The following VAV3 variants were observed in gnomAD, a reference collection of about 807,000 sequenced individuals.
The protein encoded by VAV3 is guanine nucleotide exchange factor VAV3.
In VAV3, 94 loss-of-function variants were observed where a neutral mutation model predicts 131.2. That is an observed-to-expected ratio of 0.72 (90% confidence interval 0.61 to 0.85). VAV3 has a LOEUF of 0.85. VAV3 is among the 40% of genes least tolerant of loss of function. The pLI, the probability that VAV3 is intolerant of heterozygous loss-of-function variation, is 0.00. For synonymous variants in VAV3, 349 were observed against 342.0 expected, an observed-to-expected ratio of 1.02 and a Z score of -0.22; for missense variants, 939 against 1,002.7, an observed-to-expected ratio of 0.94 and a Z score of 0.86.
chr1:107,606,116 T>C (rs1302388096), intron 22 of VAV3, among the ~76,000 whole-genome samples: 2 of 152,204 alleles, frequency 1.3e-5, no homozygotes, highest in African/African-American at 4.8e-5. Flanking sequence ...CAGCTTTTTC[T>C]AAACATACAC....
Position 107,742,296 on chromosome 1 carries a change from A to T in VAV3, c.1502+6672T>A, listed in dbSNP as rs569364430. On this transcript the variant is annotated intron_variant, in intron 15 of 26. Transcript: ENST00000370056. The stretch of plus-strand genomic sequence containing the variant: ...TTACAGAGTAAAATTTCAAATTTAC[A>T]ACAAAAATATGATACTGTGCTATGA... 1.4e-4 allele frequency among the ~76,000 whole-genome samples: 21 copies of T among 152,254 alleles called. No individual in the cohort carries two copies. The South Asian group carries it at 3.9e-3, about 29-fold the overall frequency.
At chr1:107,756,942 G>T (rs912314702) in intron 11 of VAV3, among the ~76,000 whole-genome samples, 1 of 151,764 alleles carries the variant, frequency 6.6e-6, no homozygotes, top group Non-Finnish European at 1.5e-5. Context: ...CCATGGTTAT[G>T]AAAGTTTTTA....
chr1:107,772,945 A>G (rs1174580515), intron 4 of VAV3, 102 bp from the exon 5 acceptor site: 1 of 996,518 alleles, frequency 1.0e-6, no homozygotes, highest in Non-Finnish European at 1.5e-6. Context: ...GAAAGGAAAT[A>G]AAATGGAATT....
chr1:107,617,938 T>G (rs1653287314), intron 20 of VAV3, among the ~76,000 whole-genome samples: 1 of 151,994 alleles, frequency 6.6e-6, no homozygotes, highest in African/African-American at 2.4e-5. Context: ...GACACCAACG[T>G]TTTTGGCCCC....
At chr1:107,947,499 A>C (rs1177479986) in intron 1 of VAV3, among the ~76,000 whole-genome samples, 1 of 152,188 alleles carries the variant, frequency 6.6e-6, no homozygotes, top group African/African-American at 2.4e-5. Context: ...ACTGTCCACT[A>C]CATCTCTGGT....
chr1:107,897,754 G>A (rs1671665287), intron 1 of VAV3, among the ~76,000 whole-genome samples: 1 of 152,098 alleles, frequency 6.6e-6, no homozygotes, highest in East Asian at 1.9e-4. Context: ...GGCATTCTGA[G>A]ATTATACTCT....
intron 1 of VAV3, among the ~76,000 whole-genome samples, chr1:107,905,040 T>G (rs1464328040): frequency 6.6e-6 from 1 of 152,184 alleles, no homozygotes; most frequent in African/African-American, 2.4e-5. Context: ...GAAGAAATCT[T>G]CCTCGGATAA....
At chr1:107,583,099 C>G (rs1398934106) in intron 25 of VAV3, among the ~76,000 whole-genome samples, 3 of 152,128 alleles carry the variant, frequency 2.0e-5, no homozygotes, top group Admixed American at 6.5e-5. Context: ...TTTAATGATT[C>G]CCATTCTAAC....
rs183046365 is a variant in VAV3 at position 107,615,208 on chromosome 1, G to A, written c.1980+2359C>T. ...ATCTTTGACAAAGCTGACAAAAACA[G>A]GCAATGGGGATAAGATTCCCTGTTC... On this transcript the variant is annotated intron_variant, in intron 21 of 26. Coordinates refer to ENST00000370056, the MANE Select transcript of VAV3 (RefSeq NM_006113.5). Among the ~76,000 whole-genome samples, 11 of 152,174 alleles carry A rather than the reference G, an allele frequency of 7.2e-5. No homozygotes were observed. The East Asian group carries it at 2.1e-3, about 29-fold the overall frequency.
At chr1:107,775,840 C>A (rs1665325493) in intron 4 of VAV3, among the ~76,000 whole-genome samples, 1 of 152,136 alleles carries the variant, frequency 6.6e-6, no homozygotes, top group African/African-American at 2.4e-5. Flanking sequence ...GAAAGAGCTG[C>A]TGGCCATCCA....
intron 17 of VAV3, among the ~76,000 whole-genome samples, chr1:107,692,758 A>G (rs1659504542): frequency 6.6e-6 from 1 of 152,206 alleles, no homozygotes; most frequent in Non-Finnish European, 1.5e-5. Context: ...TGGCCTAGAT[A>G]AAAGTGCAAT....
intron 2 of VAV3, among the ~76,000 whole-genome samples, chr1:107,845,723 A>T (rs1481710126): frequency 6.6e-6 from 1 of 152,174 alleles, no homozygotes; most frequent in Non-Finnish European, 1.5e-5. Context: ...AACTTAATGA[A>T]ATAAAGCATG....
Position 107,777,133 on chromosome 1 carries a change from T to C in VAV3, c.446+98A>G, listed in dbSNP as rs1320781386. 48 of 1,091,220 alleles carry C rather than the reference T, an allele frequency of 4.4e-5. 1 individual carries two copies. Among genetic ancestry groups the C allele is most frequent in the Middle Eastern group, 2.4e-4 (1 of 4,176 alleles). 67.6% of individuals were successfully genotyped at this position (1,091,220 alleles called of 1,614,324 possible). ...GGTTAATCAGTAATTAAGCCACTTT[T>C]CCTCCTTCAGATAGCTTACTTTAAC... On this transcript the variant is annotated intron_variant, in intron 4 of 26. Transcript: ENST00000370056.
chr1:107,660,564 C>T (rs1243948384), intron 19 of VAV3, among the ~76,000 whole-genome samples: 1 of 152,198 alleles, frequency 6.6e-6, no homozygotes, highest in East Asian at 1.9e-4. Context: ...ACCCATTTTC[C>T]CTTTTATGGA....
chr1:107,831,721 C>T (rs1557871734), intron 2 of VAV3, among the ~76,000 whole-genome samples: 1 of 152,114 alleles, frequency 6.6e-6, no homozygotes, highest in South Asian at 2.1e-4. Context: ...ATGTTTTAAA[C>T]CTCTATTTTT....
At chr1:107,899,159 G>A (rs1399358514) in intron 1 of VAV3, among the ~76,000 whole-genome samples, 1 of 152,156 alleles carries the variant, frequency 6.6e-6, no homozygotes, top group Non-Finnish European at 1.5e-5. Flanking sequence ...AAGTTTCCTA[G>A]ATGACTTTTT....
chr1:107,830,172 C>A (rs903144341), intron 2 of VAV3, among the ~76,000 whole-genome samples: 1 of 151,916 alleles, frequency 6.6e-6, no homozygotes. Context: ...CACATAAGAT[C>A]ATGCACTATT....
chr1:107,779,169 A>T (rs1156285873), intron 3 of VAV3, among the ~76,000 whole-genome samples: 1 of 95,806 alleles, frequency 1.0e-5, no homozygotes, highest in Admixed American at 1.1e-4. Context: ...GAGGAAAGTT[A>T]AAAAAAAAAA....
rs750635192 is a variant in VAV3 at position 107,688,404 on chromosome 1, G to C, written c.1708C>G (p.Gln570Glu). ...ACCTCTGGTAGTTTGAGTGTCCCTT[G>C]TTCTGAAAGAAATGTAAAAATTGGC... ...DNCGRVNSGE[Q>E]GTLKLPEKRT... The change falls in exon 18 of 27, where the codon CAA (glutamine) becomes GAA (glutamate). Residue 570 changes from glutamine (Q) to glutamate (E), a missense_variant and splice_region_variant. Coordinates refer to ENST00000370056, the MANE Select transcript of VAV3 (RefSeq NM_006113.5). The C allele has an allele frequency of 6.2e-6, 10 of 1,613,314 alleles. No homozygotes were observed.
Sources: gnomAD v4.1 joint callset for allele counts (sites outside exome capture counted in the v4.1 genomes callset) on GRCh38, gnomAD v4.1.1 for gene constraint, MANE v1.5 for transcripts, NCBI Gene and HGNC (gene_info 2026-07-23, HGNC 2026-07-21) for gene names.